The following STX8 variants were observed in gnomAD, a reference collection of about 807,000 sequenced individuals.
The protein encoded by STX8 is syntaxin-8.
In STX8, 23 loss-of-function variants were observed where a neutral mutation model predicts 37.5. The observed-to-expected ratio is 0.61, with a 90% CI of 0.44 to 0.87. The LOEUF (loss-of-function observed/expected upper bound fraction) is 0.87, where lower values mean the gene tolerates loss of function less well. Among genes scored for constraint, STX8 ranks in the 40% least tolerant of loss-of-function variants. STX8 has a pLI of 0.00. For synonymous variants in STX8, 115 were observed against 99.1 expected (o/e 1.16, Z -0.95); for missense variants, 313 against 284.7 (o/e 1.10, Z -0.71).
intron 7 of STX8, among the ~76,000 whole-genome samples, chr17:9,292,459 ATC>A (rs1327894493): frequency 1.3e-5 from 2 of 152,160 alleles, no homozygotes; most frequent in Non-Finnish European, 1.5e-5. Context: ...CAAAAATAGA[ATC>A]TGTTTATTAA....
chr17:9,454,578 G>T (rs1320627755), intron 6 of STX8, among the ~76,000 whole-genome samples: 2 of 151,834 alleles, frequency 1.3e-5, no homozygotes, highest in Non-Finnish European at 1.5e-5. Context: ...TACTCGGGAG[G>T]CTGAGGCAGG....
At chr17:9,301,884 C>T (rs145908618) in intron 7 of STX8, among the ~76,000 whole-genome samples, 38 of 152,208 alleles carry the variant, frequency 2.5e-4, no homozygotes, top group African/African-American at 8.7e-4. Context: ...AGACTGGCAT[C>T]CAGATTTGTA....
intron 7 of STX8, among the ~76,000 whole-genome samples, chr17:9,294,794 A>G (rs8075346): frequency 0.66 from 100,613 of 152,086 alleles, 33,484 homozygotes; most frequent in Non-Finnish European, 0.68. Flanking sequence ...TGTAATGAAA[A>G]TGAAAATGAG....
At chr17:9,548,431 A>C (rs1906635831) in intron 3 of STX8, 1 of 152,244 alleles carries the variant, frequency 6.6e-6, no homozygotes, top group Admixed American at 6.5e-5. Context: ...ATAGGAATGC[A>C]AACAGGTTCA....
At chr17:9,438,834 CAGG>C in intron 6 of STX8, among the ~76,000 whole-genome samples, 1 of 152,128 alleles carries the variant, frequency 6.6e-6, no homozygotes, top group South Asian at 2.1e-4. Context: ...GAGGCTGAGG[CAGG>C]AGAACAGCAT....
At chr17:9,549,228 A>G (rs1363076280) in intron 3 of STX8, among the ~76,000 whole-genome samples, 1 of 152,340 alleles carries the variant, frequency 6.6e-6, no homozygotes, top group East Asian at 1.9e-4. Flanking sequence ...TGTAATAAAA[A>G]CAATAAAGGT....
intron 6 of STX8, among the ~76,000 whole-genome samples, chr17:9,476,268 T>C (rs1906100136): frequency 6.6e-6 from 1 of 152,142 alleles, no homozygotes. Context: ...CATTCATAAA[T>C]ATGAAGAATC....
intron 6 of STX8, among the ~76,000 whole-genome samples, chr17:9,428,520 G>A (rs770149402): frequency 1.6e-4 from 24 of 152,198 alleles, no homozygotes; most frequent in Admixed American, 3.3e-4. Flanking sequence ...GATTACAGGC[G>A]TAAGCCACCC....
chr17:9,519,821 A>G (rs1176356010), intron 4 of STX8, among the ~76,000 whole-genome samples: 1 of 99,580 alleles, frequency 1.0e-5, no homozygotes, highest in African/African-American at 4.1e-5. Flanking sequence ...CCCTTTGTCC[A>G]TCTGGCAAAA....
intron 4 of STX8, among the ~76,000 whole-genome samples, chr17:9,532,039 G>C (rs1174760603): frequency 6.6e-6 from 1 of 151,986 alleles, no homozygotes; most frequent in Non-Finnish European, 1.5e-5. Context: ...CATTTGTTCA[G>C]ATCTCAAGGT....
At position 9,378,574 on chromosome 17, in the gene STX8, C is replaced by T; in HGVS notation, c.621G>A (p.Val207=). ...LRNETRRVNM[V]DRKSASCGMI... ...TACCACAAGAGGCTGACTTTCTGTC[C>T]ACCATGTTTACCCGCCTGGTTTCAT... Residue 207 remains valine (V), a synonymous_variant, in exon 7 of 8, where the codon GTG becomes GTA. Transcript: ENST00000306357. 6.2e-7 allele frequency: 1 copy of T among 1,613,774 alleles called. No homozygotes were observed. The highest frequency in any genetic ancestry group is 8.5e-7 in the Non-Finnish European group (1 of 1,179,764).
intron 5 of STX8, among the ~76,000 whole-genome samples, chr17:9,498,901 G>C (rs1170690720): frequency 6.6e-6 from 1 of 152,182 alleles, no homozygotes; most frequent in Non-Finnish European, 1.5e-5. Context: ...TTTGAAACAA[G>C]AAACAAGTAC....
rs556661138 is a variant in STX8, at chr17:9,507,346, C to T, written c.324-2184G>A. On this transcript the variant is annotated intron_variant, in intron 4 of 7. Coordinates refer to ENST00000306357, the MANE Select transcript of STX8 (RefSeq NM_004853.3). The surrounding 1 kb of genome is among the most constrained non-coding windows in gnomAD (Gnocchi z 4.0). ...AAAACAGCCCATGGGTCACCCCTAG[C>T]GGCAACTCCCCTAGGCCAGCCGAGC... 3.9e-5 allele frequency among the ~76,000 whole-genome samples: 6 copies of T among 152,110 alleles called. No homozygotes were observed. The highest frequency in any genetic ancestry group is 2.1e-4 in the South Asian group (1 of 4,804).
At chr17:9,333,054 G>A (rs1910013100) in intron 7 of STX8, among the ~76,000 whole-genome samples, 1 of 152,086 alleles carries the variant, frequency 6.6e-6, no homozygotes. Flanking sequence ...GTCGCTTCCA[G>A]CTTTCAATTC....
chr17:9,317,252 C>G (rs941980738), intron 7 of STX8, among the ~76,000 whole-genome samples: 2 of 152,090 alleles, frequency 1.3e-5, no homozygotes, highest in African/African-American at 2.4e-5. Flanking sequence ...GCTGACTACT[C>G]AAATCAAGGA....
chr17:9,349,688 C>A, intron 7 of STX8, among the ~76,000 whole-genome samples: 2 of 152,040 alleles, frequency 1.3e-5, no homozygotes, highest in Middle Eastern at 3.4e-3. Context: ...TAAAATAGAA[C>A]AATTATAACA....
intron 7 of STX8, among the ~76,000 whole-genome samples, chr17:9,301,676 TAG>T (rs1908793976): frequency 6.6e-6 from 1 of 151,436 alleles, no homozygotes; most frequent in African/African-American, 2.4e-5. Flanking sequence ...GTATTTTTAG[TAG>T]AGACGGGGTT....
intron 7 of STX8, among the ~76,000 whole-genome samples, chr17:9,274,262 C>G (rs970478605): frequency 6.6e-6 from 1 of 152,136 alleles, no homozygotes; most frequent in African/African-American, 2.4e-5. Context: ...ATCTCAACCA[C>G]TGTTCTGGAA....
intron 2 of STX8, among the ~76,000 whole-genome samples, chr17:9,568,011 G>A (rs925789278): frequency 2.0e-5 from 3 of 152,138 alleles, no homozygotes; most frequent in Non-Finnish European, 2.9e-5. Flanking sequence ...AATGTAAAAT[G>A]TAAAAACTAT....
Sources: allele counts gnomAD v4.1 joint callset (sites outside exome capture counted in the v4.1 genomes callset), GRCh38; gene constraint gnomAD v4.1.1; non-coding constraint Gnocchi (gnomAD v3.1); transcripts MANE v1.5; gene names NCBI Gene and HGNC (gene_info 2026-07-23, HGNC 2026-07-21).